The following ACAD10 variants were observed in gnomAD, a reference collection of about 807,000 sequenced individuals.
ACAD10 encodes ACAD-10.
In ACAD10, 112 loss-of-function variants were observed where a neutral mutation model predicts 116.8. The observed-to-expected ratio is 0.96, with a 90% CI of 0.82 to 1.12. The LOEUF is 1.12. ACAD10 is among the 50% of genes most tolerant of loss of function. ACAD10 has a pLI of 0.00. For synonymous variants in ACAD10, 486 were observed against 510.6 expected, an observed-to-expected ratio of 0.95 and a Z score of 0.65; for missense variants, 1,259 against 1,350.2, an observed-to-expected ratio of 0.93 and a Z score of 1.06.
At chr12:111,708,570 C>T (rs1281767689) in intron 4 of ACAD10, among the ~76,000 whole-genome samples, 2 of 152,092 alleles carry the variant, frequency 1.3e-5, no homozygotes, top group Non-Finnish European at 1.5e-5. Flanking sequence ...CAGTTCTCAC[C>T]CAACCCAGAA....
intron 1 of ACAD10, among the ~76,000 whole-genome samples, chr12:111,691,700 A>G (rs913585306): frequency 2.5e-4 from 38 of 150,472 alleles, no homozygotes; most frequent in African/African-American, 9.0e-4. Flanking sequence ...AGTTCAAGCA[A>G]TTCTCCTACC....
Position 111,753,822 on chromosome 12 carries a change from G to A in ACAD10, c.2868G>A (p.Val956=), listed in dbSNP as rs1890136828. The A allele has an allele frequency of 2.5e-6, 4 of 1,614,048 alleles. No individual in the cohort carries two copies. Among genetic ancestry groups the A allele is most frequent in the Middle Eastern group, 3.3e-4 (2 of 6,060 alleles). Residue 956 remains valine (V), a synonymous_variant, in exon 19 of 21, where the codon GTG becomes GTA. Transcript: ENST00000313698. The part of the protein sequence containing the change: ...FGKPLVEQGT[V]LADIAQSRVE... ...AGCCCCTGGTGGAGCAGGGCACAGT[G>A]CTGGCGGACATCGCGCAGTCGCGCG...
At chr12:111,709,482 C>A (rs1356716740) in intron 4 of ACAD10, 44 bp from the exon 5 acceptor site, 9 of 1,470,050 alleles carry the variant, frequency 6.1e-6, no homozygotes, top group Non-Finnish European at 7.2e-6. Context: ...TGTGGGAGCT[C>A]CACCTTTCGG....
intron 4 of ACAD10, among the ~76,000 whole-genome samples, chr12:111,706,438 C>T (rs1445136875): frequency 2.0e-5 from 3 of 151,980 alleles, no homozygotes; most frequent in East Asian, 3.9e-4. Flanking sequence ...GGGTACTTTA[C>T]CTATTTATTT....
rs1363772664 is a variant in ACAD10 at position 111,709,697 on chromosome 12, A to C, written c.690+13A>C. On this transcript the variant is annotated intron_variant, in intron 5 of 20. Coordinates refer to ENST00000313698, the MANE Select transcript of ACAD10 (RefSeq NM_025247.6). ...TCACACCATTAAGGTAATAGTCACTAATTTTTGAACTCCCTCCCATGCACC... is the reference window on the plus strand; with the variant it reads ...TCACACCATTAAGGTAATAGTCACTCATTTTTGAACTCCCTCCCATGCACC... The C allele has an allele frequency of 1.9e-6, 3 of 1,599,828 alleles. No individual in the cohort carries two copies. Among genetic ancestry groups the C allele is most frequent in the Non-Finnish European group, 1.7e-6 (2 of 1,174,688 alleles).
intron 9 of ACAD10, among the ~76,000 whole-genome samples, chr12:111,728,723 T>C (rs955644517): frequency 2.6e-5 from 4 of 152,158 alleles, no homozygotes; most frequent in Non-Finnish European, 4.4e-5. Flanking sequence ...AGGGTCTCTC[T>C]CTGTCGCCCA....
At chr12:111,721,847 G>A (rs1889022629) in intron 8 of ACAD10, 108 bp downstream of exon 8, 1 of 915,674 alleles carries the variant, frequency 1.1e-6, no homozygotes, top group East Asian at 2.7e-5. Context: ...TTGGGTAGGA[G>A]GGAAAAGAAA....
Position 111,746,163 on chromosome 12 carries a change from G to C in ACAD10, c.2135G>C (p.Gly712Ala). Residue 712 changes from glycine to alanine, a missense_variant, in exon 14 of 21, where the codon GGA becomes GCA. By Grantham distance (60) the Gly-to-Ala change is moderately conservative. Transcript: ENST00000313698. ...TGATAGGAGAAAGCCAAAGCTGAAG[G>C]ACTTTGGAACCTTTTCCTACCCTTA... ...EDLKEKAKAE[G>A]LWNLFLPLEA... The C allele has an allele frequency of 6.2e-7, 1 of 1,613,296 alleles. No homozygotes were observed. Among genetic ancestry groups the C allele is most frequent in the Non-Finnish European group, 8.5e-7 (1 of 1,179,822 alleles).
chr12:111,699,621 C>A (rs1888292701), intron 2 of ACAD10, among the ~76,000 whole-genome samples: 1 of 151,834 alleles, frequency 6.6e-6, no homozygotes, highest in Non-Finnish European at 1.5e-5. Flanking sequence ...TAAACTTTTT[C>A]TATAAAGGGC....
chr12:111,695,482 G>T (rs1888168347), intron 2 of ACAD10, among the ~76,000 whole-genome samples: 1 of 152,080 alleles, frequency 6.6e-6, no homozygotes, highest in Non-Finnish European at 1.5e-5. Flanking sequence ...ATTTTTGTTT[G>T]CAGTGGGATA....
At chr12:111,687,333 A>AT (rs1295637088) in intron 1 of ACAD10, among the ~76,000 whole-genome samples, 1 of 152,062 alleles carries the variant, frequency 6.6e-6, no homozygotes, top group Non-Finnish European at 1.5e-5. Context: ...CACTATTAAC[A>AT]TTTTGGGTCC....
rs573342862 is a variant in ACAD10 at position 111,737,723 on chromosome 12, G to A, written c.1714+719G>A. Among the ~76,000 whole-genome samples the A allele has an allele frequency of 1.6e-4, 25 of 152,036 alleles. No individual in the cohort carries two copies. The South Asian group carries it at 4.1e-3, about 25-fold the overall frequency. ...TCTCCTCCTACTTTTACACAAATGT[G>A]ATCATCCTATGTGTATTTTTCGGTA... On this transcript the variant is annotated intron_variant, in intron 12 of 20. Coordinates refer to ENST00000313698, the MANE Select transcript of ACAD10 (RefSeq NM_025247.6).
intron 10 of ACAD10, 110 bp downstream of exon 10, chr12:111,730,066 A>G: frequency 7.0e-7 from 1 of 1,426,326 alleles, no homozygotes; most frequent in Non-Finnish European, 9.4e-7. Flanking sequence ...CCTATTACAA[A>G]GCACCTGTCT....
chr12:111,705,566 G>A (rs966598199), intron 3 of ACAD10, among the ~76,000 whole-genome samples, 172 bp from the exon 4 acceptor site: 7 of 152,154 alleles, frequency 4.6e-5, no homozygotes, highest in African/African-American at 7.2e-5. Context: ...TTATATGAGA[G>A]TTCAGCACAG....
chr12:111,734,205 C>G (rs1889483581), intron 11 of ACAD10, 137 bp downstream of exon 11: 1 of 1,238,368 alleles, frequency 8.1e-7, no homozygotes, highest in Admixed American at 2.1e-5. Context: ...GGAAACATAA[C>G]TAGAATGCAG....
At chr12:111,750,259 T>C (rs1386037947) in intron 18 of ACAD10, among the ~76,000 whole-genome samples, 1 of 149,462 alleles carries the variant, frequency 6.7e-6, no homozygotes, top group Non-Finnish European at 1.5e-5. Context: ...GCCTGGCTAA[T>C]TTTTTGTATT....
chr12:111,727,641 C>T (rs552818793), intron 8 of ACAD10, among the ~76,000 whole-genome samples: 8 of 152,264 alleles, frequency 5.3e-5, no homozygotes, highest in Admixed American at 4.6e-4. Flanking sequence ...TGAATCCATT[C>T]CTGTGGCTTA....
chr12:111,749,142 A>C, intron 17 of ACAD10, 31 bp from the exon 18 acceptor site: 1 of 1,613,616 alleles, frequency 6.2e-7, no homozygotes, highest in Non-Finnish European at 8.5e-7. Context: ...GACTATGGCT[A>C]TTGCTCACAG....
At chr12:111,709,036 T>G (rs1427695174) in intron 4 of ACAD10, among the ~76,000 whole-genome samples, 9 of 151,866 alleles carry the variant, frequency 5.9e-5, no homozygotes, top group Admixed American at 1.3e-4. Flanking sequence ...TAATAGTGTC[T>G]TCTTTCTGCA....
Sources: allele counts gnomAD v4.1 joint callset (sites outside exome capture counted in the v4.1 genomes callset), GRCh38; gene constraint gnomAD v4.1.1; transcripts MANE v1.5; gene names NCBI Gene and HGNC (gene_info 2026-07-23, HGNC 2026-07-21).